The following DDX23 variants were observed in gnomAD, a reference collection of about 807,000 sequenced individuals.
DDX23 encodes the protein DEAD-box helicase 23, also known as probable ATP-dependent RNA helicase DDX23.
A neutral mutation model predicts 102.7 loss-of-function variants in DDX23; 33 were observed. The ratio of observed to expected loss-of-function variants is 0.32; its 90% confidence interval spans 0.24 to 0.43. The LOEUF is 0.43. Ranked by LOEUF, DDX23 falls within the 20% of genes least tolerant of loss-of-function variation. The probability of loss-of-function intolerance (pLI) is 1.00; values close to 1 mark genes in which losing one functional copy is unlikely to be tolerated. For missense variants in DDX23, 549 were observed against 1,086.6 expected (o/e 0.51, Z 6.96); for synonymous variants, 352 against 376.0 (o/e 0.94, Z 0.74).
At chr12:48,839,090 G>A (rs1361030578) in intron 5 of DDX23, among the ~76,000 whole-genome samples, 1 of 151,972 alleles carries the variant, frequency 6.6e-6, no homozygotes, top group African/African-American at 2.4e-5. Context: ...GCCTAGGCTG[G>A]TCTAAAAATC....
At chr12:48,838,550 TA>T (rs753869273) in intron 5 of DDX23, among the ~76,000 whole-genome samples, 1,166 of 135,460 alleles carry the variant, frequency 8.6e-3, no homozygotes, top group East Asian at 0.014. Flanking sequence ...ACCTTACCTT[TA>T]AAAAAAAAAA....
intron 12 of DDX23, among the ~76,000 whole-genome samples, chr12:48,833,970 T>C (rs1446332194): frequency 2.0e-5 from 3 of 152,136 alleles, no homozygotes; most frequent in East Asian, 1.9e-4. Flanking sequence ...AAGTCAAAGA[T>C]TTGGTCTGGC....
intron 1 of DDX23, among the ~76,000 whole-genome samples, chr12:48,849,982 C>CA (rs1410046241): frequency 3.3e-5 from 5 of 152,172 alleles, no homozygotes; most frequent in Non-Finnish European, 5.9e-5. Context: ...GGGCAGGAGT[C>CA]AGATAATGAA....
intron 2 of DDX23, among the ~76,000 whole-genome samples, chr12:48,845,133 CAA>C (rs1417609290): frequency 5.4e-5 from 7 of 130,092 alleles, no homozygotes; most frequent in Non-Finnish European, 1.1e-4. Flanking sequence ...GCCTGGGAAA[CAA>C]GAGTGAAACT....
At chr12:48,846,579 AAC>A (rs1938671673) in intron 1 of DDX23, among the ~76,000 whole-genome samples, 3 of 152,354 alleles carry the variant, frequency 2.0e-5, no homozygotes, top group Admixed American at 2.0e-4. Flanking sequence ...TAAGTGGAGA[AAC>A]ACACTTTTAC....
At chr12:48,843,575 G>A (rs1394945534) in intron 3 of DDX23, among the ~76,000 whole-genome samples, 1 of 134,540 alleles carries the variant, frequency 7.4e-6, no homozygotes, top group African/African-American at 2.8e-5. Context: ...TTGAGACAGA[G>A]TCTTGCTCTG....
Position 48,830,452 on chromosome 12 carries a change from A to G in DDX23, c.*17T>C. ...GCAGCTTTGGAGATGCCCTCAGCCC[A>G]CAGGAAGAGTGCTGTGTCAGGCAAA... On this transcript the variant is annotated 3_prime_UTR_variant, in exon 17 of 17. Coordinates refer to ENST00000308025, the MANE Select transcript of DDX23 (RefSeq NM_004818.3). This position sits in a 1 kb window ranked among gnomAD's most constrained non-coding sequence, Gnocchi z 4.9. 2.5e-6 allele frequency: 4 copies of G among 1,613,854 alleles called. No individual in the cohort carries two copies. The highest frequency in any genetic ancestry group is 3.4e-6 in the Non-Finnish European group (4 of 1,179,792).
intron 5 of DDX23, 108 bp from the exon 6 acceptor site, chr12:48,838,188 C>A: frequency 2.0e-6 from 3 of 1,517,778 alleles, no homozygotes; most frequent in Non-Finnish European, 2.7e-6. Context: ...AGGCATTAAG[C>A]CTGTTGAGGA....
intron 8 of DDX23, 28 bp downstream of exon 8, chr12:48,837,253 C>A (rs759429100): frequency 6.2e-7 from 1 of 1,607,856 alleles, no homozygotes; most frequent in Non-Finnish European, 8.5e-7. Flanking sequence ...GTGGAAAAGA[C>A]CTAGAACTCA....
chr12:48,850,768 G>A (rs907579052), intron 1 of DDX23, among the ~76,000 whole-genome samples: 1 of 152,166 alleles, frequency 6.6e-6, no homozygotes, highest in African/African-American at 2.4e-5. Flanking sequence ...AAGTACCACC[G>A]AAGTGGAGAG....
At chr12:48,837,706 A>G (rs779862291) in intron 6 of DDX23, 49 bp from the exon 7 acceptor site, 10 of 1,608,852 alleles carry the variant, frequency 6.2e-6, no homozygotes, top group African/African-American at 5.4e-5. Flanking sequence ...GGAAGAAAAG[A>G]GGAGAGGGAA....
At chr12:48,831,363 G>C (rs745456381) in intron 15 of DDX23, 47 bp from the exon 16 acceptor site, 4 of 1,587,238 alleles carry the variant, frequency 2.5e-6, no homozygotes, top group Non-Finnish European at 3.5e-6. Flanking sequence ...CAATCAAGGA[G>C]AGACACAGGA....
chr12:48,837,813 TAA>T, intron 6 of DDX23, 127 bp downstream of exon 6: 1 of 1,535,130 alleles, frequency 6.5e-7, no homozygotes, highest in Non-Finnish European at 8.8e-7. Flanking sequence ...TGTTTTCTCA[TAA>T]ACTCCCACCA....
chr12:48,832,138 A>T lies in DDX23; in HGVS notation c.2004T>A (p.Ile668=). ...AGCCCTTCTTCTGGTTGACAAAAAT[A>T]ATGATGGGTGGGTCAAAGCCTTGCT... ...ILEQGFDPPI[I]IFVNQKKGCD... Residue 668 remains isoleucine, a synonymous_variant, in exon 15 of 17, where the codon ATT becomes ATA. Transcript: ENST00000308025. This position sits in a 1 kb window ranked among gnomAD's most constrained non-coding sequence, Gnocchi z 4.4. The T allele has an allele frequency of 6.2e-7, 1 of 1,613,992 alleles. No individual in the cohort carries two copies. Among genetic ancestry groups the T allele is most frequent in the Non-Finnish European group, 8.5e-7 (1 of 1,180,002 alleles).
chr12:48,848,174 T>C (rs1202305134), intron 1 of DDX23, among the ~76,000 whole-genome samples: 1 of 151,892 alleles, frequency 6.6e-6, no homozygotes, highest in Non-Finnish European at 1.5e-5. Context: ...TAGTCCCACC[T>C]ACTCGGGAGG....
chr12:48,832,937 C>A lies in DDX23; in HGVS notation c.1803+340G>T. 4.5e-6 allele frequency: 2 copies of A among 448,398 alleles called. No individual in the cohort carries two copies. The highest frequency in any genetic ancestry group is 2.0e-5 in the African/African-American group (1 of 50,754). 27.8% of individuals were successfully genotyped at this position (448,398 alleles called of 1,614,324 possible). ...ATTCTAGAAACATGTACTCTGAGCCCACCTAAGGCAAGAAAGGCCCAAAAG... is the reference window on the plus strand; with the variant it reads ...ATTCTAGAAACATGTACTCTGAGCCAACCTAAGGCAAGAAAGGCCCAAAAG... On this transcript the variant is annotated intron_variant, in intron 13 of 16. Coordinates refer to ENST00000308025, the MANE Select transcript of DDX23 (RefSeq NM_004818.3). This position sits in a 1 kb window ranked among gnomAD's most constrained non-coding sequence, Gnocchi z 4.4.
intron 6 of DDX23, 82 bp from the exon 7 acceptor site, chr12:48,837,739 C>A: frequency 1.9e-6 from 3 of 1,571,708 alleles, no homozygotes; most frequent in African/African-American, 1.4e-5. Context: ...AGACGAGGAA[C>A]CCCAAATGAA....
intron 1 of DDX23, among the ~76,000 whole-genome samples, chr12:48,849,433 A>G (rs2453485): frequency 0.14 from 21,770 of 151,696 alleles, 1,806 homozygotes; most frequent in African/African-American, 0.23. Context: ...GGAGGCTGAG[A>G]TAGGCAGATC....
chr12:48,842,173 T>TGG (rs1442788341), intron 3 of DDX23, among the ~76,000 whole-genome samples: 1 of 65,950 alleles, frequency 1.5e-5, no homozygotes, highest in South Asian at 4.9e-4. Context: ...GGGAGGGAGG[T>TGG]GGGGGGGGTT....
Sources: gnomAD v4.1 joint callset for allele counts (sites outside exome capture counted in the v4.1 genomes callset) on GRCh38, gnomAD v4.1.1 for gene constraint, Gnocchi (gnomAD v3.1) non-coding constraint, MANE v1.5 for transcripts, NCBI Gene and HGNC (gene_info 2026-07-23, HGNC 2026-07-21) for gene names.